The following GPHN variants were observed in gnomAD, a reference collection of about 807,000 sequenced individuals.
The protein encoded by GPHN is gephyrin.
A neutral mutation model predicts 95.5 loss-of-function variants in GPHN; 17 were observed. The ratio of observed to expected loss-of-function variants is 0.18; its 90% CI spans 0.12 to 0.27. GPHN has a LOEUF of 0.27. Ranked by LOEUF, GPHN falls within the 10% of genes least tolerant of loss-of-function variation. The pLI is 1.00. For synonymous variants in GPHN, 320 were observed against 322.5 expected (o/e 0.99, Z 0.08); for missense variants, 660 against 978.1 (o/e 0.67, Z 4.34).
the GPHN span, chr14:67,727,122 G>T: frequency 5.6e-6 from 9 of 1,614,090 alleles, no homozygotes; most frequent in African/African-American, 1.2e-4. Context: ...TACAGCAGGG[G>T]TTTTGCCTAT....
At chr14:66,672,414 G>C (rs72726471) in intron 1 of GPHN, among the ~76,000 whole-genome samples, 8,927 of 152,238 alleles carry the variant, frequency 0.059, 359 homozygotes, top group Middle Eastern at 0.099. Flanking sequence ...ATAGATGAGA[G>C]TATATCAAAT....
chr14:67,598,490 G>C, the GPHN span, among the ~76,000 whole-genome samples: 1 of 151,498 alleles, frequency 6.6e-6, no homozygotes, highest in South Asian at 2.1e-4. Context: ...ATTGCTCTTT[G>C]TGAGCCTTGG....
the GPHN span, chr14:67,348,933 A>G: frequency 9.3e-7 from 1 of 1,071,378 alleles, no homozygotes; most frequent in Non-Finnish European, 1.4e-6. Flanking sequence ...TGTTCTAAGT[A>G]GAAGGAAGAA....
At chr14:66,918,932 A>G (rs935819691) in intron 6 of GPHN, among the ~76,000 whole-genome samples, 2 of 151,954 alleles carry the variant, frequency 1.3e-5, no homozygotes, top group Admixed American at 6.5e-5. Flanking sequence ...TTTTTTTTAC[A>G]TCTTAGATTT....
At chr14:66,647,075 T>A (rs1027227283) in intron 1 of GPHN, among the ~76,000 whole-genome samples, 20 of 120,652 alleles carry the variant, frequency 1.7e-4, no homozygotes, top group Middle Eastern at 3.8e-3. Flanking sequence ...TTTTTTTTTT[T>A]AATATTTTTT....
At chr14:66,847,402 A>C (rs2062381909) in intron 4 of GPHN, among the ~76,000 whole-genome samples, 1 of 152,130 alleles carries the variant, frequency 6.6e-6, no homozygotes, top group Non-Finnish European at 1.5e-5. Context: ...TATTAAACTC[A>C]TTTTATTAAT....
intron 13 of GPHN, among the ~76,000 whole-genome samples, chr14:67,106,923 T>A (rs1365218742): frequency 6.6e-6 from 1 of 152,180 alleles, no homozygotes; most frequent in Non-Finnish European, 1.5e-5. Flanking sequence ...TTGATCTGTG[T>A]GCCTAGTGGA....
At chr14:66,850,928 A>T (rs982712382) in intron 4 of GPHN, among the ~76,000 whole-genome samples, 72 of 152,234 alleles carry the variant, frequency 4.7e-4, no homozygotes, top group Non-Finnish European at 8.8e-5. Flanking sequence ...ATATTAACAT[A>T]TAATAATGTA....
At chr14:67,105,077 T>G (rs2077958676) in intron 13 of GPHN, among the ~76,000 whole-genome samples, 2 of 152,126 alleles carry the variant, frequency 1.3e-5, no homozygotes, top group Non-Finnish European at 2.9e-5. Context: ...ATTTATCTCT[T>G]AATATATTTA....
At chr14:67,344,444 T>C in the GPHN span, among the ~76,000 whole-genome samples, 1 of 152,134 alleles carries the variant, frequency 6.6e-6, no homozygotes, top group East Asian at 1.9e-4. Context: ...AACATAAAAA[T>C]GACAAGAAAG....
At chr14:67,490,593 G>A in the GPHN span, among the ~76,000 whole-genome samples, 5 of 152,142 alleles carry the variant, frequency 3.3e-5, no homozygotes, top group African/African-American at 1.2e-4. Context: ...AATTCCCTTC[G>A]CACCATTTTC....
chr14:67,327,950 C>A, the GPHN span, among the ~76,000 whole-genome samples: 2 of 152,182 alleles, frequency 1.3e-5, no homozygotes, highest in Non-Finnish European at 2.9e-5. Context: ...TGTACGTGTG[C>A]ATGTGTCTTT....
In GPHN at chr14:66,765,739, G is replaced by C. The variant is rs577291314; in HGVS notation, c.144-10725G>C. On this transcript the variant is annotated intron_variant, in intron 2 of 22. Coordinates refer to ENST00000478722, the MANE Select transcript of GPHN (RefSeq NM_020806.5). ...CACAATTTACCTATATGACAAACCT[G>C]CACATGTACTACTGAAACAGAAAAA... Among the ~76,000 whole-genome samples the C allele has an allele frequency of 6.7e-4, 101 of 151,536 alleles. 1 individual carries two copies. Among genetic ancestry groups the C allele is most frequent in the Non-Finnish European group, 1.1e-3 (76 of 67,906 alleles).
the GPHN span, among the ~76,000 whole-genome samples, chr14:67,582,443 T>G: frequency 1.3e-5 from 2 of 152,064 alleles, no homozygotes; most frequent in African/African-American, 4.8e-5. The surrounding 1 kb of genome is among the most constrained non-coding windows in gnomAD (Gnocchi z 5.0). Context: ...TGGGTTTGAG[T>G]CCTATATACC....
At chr14:67,020,109 G>T (rs992072687) in intron 9 of GPHN, among the ~76,000 whole-genome samples, 15 of 152,152 alleles carry the variant, frequency 9.9e-5, no homozygotes, top group African/African-American at 3.6e-4. Context: ...TAAATCTTCT[G>T]TGTCTTGAGA....
the GPHN span, among the ~76,000 whole-genome samples, chr14:67,554,874 A>AC: frequency 2.0e-5 from 3 of 152,148 alleles, no homozygotes; most frequent in Non-Finnish European, 2.9e-5. Context: ...CTCAGCCTTG[A>AC]GTGACATGCC....
intron 1 of GPHN, among the ~76,000 whole-genome samples, chr14:66,625,875 A>C (rs576353428): frequency 1.3e-5 from 2 of 152,304 alleles, no homozygotes; most frequent in South Asian, 4.1e-4. Flanking sequence ...AATAAATATG[A>C]GTTGGCTTTT....
At chr14:67,403,244 C>A in the GPHN span, among the ~76,000 whole-genome samples, 4 of 152,186 alleles carry the variant, frequency 2.6e-5, no homozygotes, top group South Asian at 8.3e-4. Flanking sequence ...CTATTCAAAT[C>A]TTTTGCCCAT....
chr14:67,195,231 A>G, the GPHN span, among the ~76,000 whole-genome samples: 2 of 152,144 alleles, frequency 1.3e-5, no homozygotes, highest in East Asian at 3.8e-4. Flanking sequence ...GCTAACCTCA[A>G]CTTTGTTCAA....
Sources: gnomAD v4.1 joint callset for allele counts (sites outside exome capture counted in the v4.1 genomes callset) on GRCh38, gnomAD v4.1.1 for gene constraint, Gnocchi (gnomAD v3.1) non-coding constraint, MANE v1.5 for transcripts, NCBI Gene and HGNC (gene_info 2026-07-23, HGNC 2026-07-21) for gene names.